The following MAP4K3 variants were observed in gnomAD, a reference collection of about 807,000 sequenced individuals.
The protein encoded by MAP4K3 is MAPK/ERK kinase kinase kinase 3.
A neutral mutation model predicts 143.5 loss-of-function variants in MAP4K3; 94 were observed. That is an observed-to-expected ratio of 0.65 (90% CI 0.55 to 0.78). The LOEUF (loss-of-function observed/expected upper bound fraction) is 0.78, where lower values mean the gene tolerates loss of function less well. Ranked by LOEUF, MAP4K3 falls within the 30% of genes least tolerant of loss-of-function variation. The pLI, the probability that MAP4K3 is intolerant of heterozygous loss-of-function variation, is 0.00. For synonymous variants in MAP4K3, 416 were observed against 347.2 expected, an observed-to-expected ratio of 1.20 and a Z score of -2.20; for missense variants, 1,077 against 1,068.1, an observed-to-expected ratio of 1.01 and a Z score of -0.12.
At chr2:39,402,908 G>C (rs1666987189) in intron 1 of MAP4K3, among the ~76,000 whole-genome samples, 1 of 151,794 alleles carries the variant, frequency 6.6e-6, no homozygotes, top group South Asian at 2.1e-4. Context: ...AGGATAATGA[G>C]AAAATATTAT....
chr2:39,264,457 C>T (rs1417612699), intron 28 of MAP4K3, among the ~76,000 whole-genome samples: 1 of 152,132 alleles, frequency 6.6e-6, no homozygotes, highest in Non-Finnish European at 1.5e-5. Context: ...GGATTTTAAA[C>T]AACAGGGAGT....
At chr2:39,432,721 A>C (rs1266499754) in intron 1 of MAP4K3, among the ~76,000 whole-genome samples, 1 of 152,256 alleles carries the variant, frequency 6.6e-6, no homozygotes, top group Non-Finnish European at 1.5e-5. Flanking sequence ...AATTACAAAT[A>C]AACTAACACG....
At chr2:39,375,248 CT>C (rs1666186616) in intron 2 of MAP4K3, among the ~76,000 whole-genome samples, 1 of 152,078 alleles carries the variant, frequency 6.6e-6, no homozygotes, top group African/African-American at 2.4e-5. Flanking sequence ...TACAGTGACA[CT>C]GTCTCTTAAA....
chr2:39,323,008 C>A (rs985668405), intron 12 of MAP4K3, among the ~76,000 whole-genome samples: 1 of 152,088 alleles, frequency 6.6e-6, no homozygotes, highest in Non-Finnish European at 1.5e-5. Context: ...TCTAGTATCA[C>A]AGTAAGTGCT....
chr2:39,428,547 G>A (rs1357793866), intron 1 of MAP4K3, among the ~76,000 whole-genome samples: 1 of 151,592 alleles, frequency 6.6e-6, no homozygotes, highest in African/African-American at 2.4e-5. Context: ...GTGGTGACGG[G>A]TGCCTGTAAT....
chr2:39,384,977 C>T (rs1424380100), intron 1 of MAP4K3, among the ~76,000 whole-genome samples: 1 of 152,136 alleles, frequency 6.6e-6, no homozygotes, highest in African/African-American at 2.4e-5. Flanking sequence ...TTTGAGAATG[C>T]CATATAAATT....
chr2:39,369,588 T>C (rs761940083), intron 2 of MAP4K3, among the ~76,000 whole-genome samples: 1 of 152,196 alleles, frequency 6.6e-6, no homozygotes, highest in Non-Finnish European at 1.5e-5. Flanking sequence ...CATACTACCT[T>C]TGCTTTTATA....
At chr2:39,297,435 A>C (rs1375434873) in intron 16 of MAP4K3, among the ~76,000 whole-genome samples, 1 of 152,144 alleles carries the variant, frequency 6.6e-6, no homozygotes, top group Non-Finnish European at 1.5e-5. Flanking sequence ...TTCTTTTAAA[A>C]ATAGTATTTT....
chr2:39,305,037 G>C (rs78771155), intron 15 of MAP4K3, among the ~76,000 whole-genome samples: 12 of 152,070 alleles, frequency 7.9e-5, no homozygotes, highest in Non-Finnish European at 1.5e-4. Flanking sequence ...CAGAGTGTTC[G>C]CTGCCAGGGG....
chr2:39,385,097 G>A (rs1666459966), intron 1 of MAP4K3, among the ~76,000 whole-genome samples: 1 of 152,142 alleles, frequency 6.6e-6, no homozygotes, highest in Admixed American at 6.5e-5. Context: ...ATTTACCACA[G>A]TTCATCCATT....
At chr2:39,386,139 A>C (rs1666499655) in intron 1 of MAP4K3, among the ~76,000 whole-genome samples, 1 of 152,234 alleles carries the variant, frequency 6.6e-6, no homozygotes, top group African/African-American at 2.4e-5. Context: ...TAATCCAACA[A>C]GACTGATGTC....
chr2:39,379,215 A>G (rs1359181313), intron 1 of MAP4K3, among the ~76,000 whole-genome samples: 1 of 152,088 alleles, frequency 6.6e-6, no homozygotes, highest in African/African-American at 2.4e-5. Flanking sequence ...CACTAAAAAT[A>G]CCAGCCAAAG....
rs188417892 is a variant in MAP4K3 at position 39,291,714 on chromosome 2, C to A, written c.1271+1059G>T. Among the ~76,000 whole-genome samples, 115 of 152,096 alleles carry A rather than the reference C, an allele frequency of 7.6e-4. 3 individuals carry two copies. In the East Asian group the frequency reaches 0.016, roughly 21 times the overall value. ...CAGCCTGGACAACATGGTGGAAACC[C>A]ATCTCTACCAAAAAATAGAAAATTA... On this transcript the variant is annotated intron_variant, in intron 18 of 33. Coordinates refer to ENST00000263881, the MANE Select transcript of MAP4K3 (RefSeq NM_003618.4).
At chr2:39,263,515 G>A (rs545410012) in intron 28 of MAP4K3, among the ~76,000 whole-genome samples, 2 of 150,680 alleles carry the variant, frequency 1.3e-5, no homozygotes, top group East Asian at 2.0e-4. Context: ...TCCTGACCTC[G>A]TGATCCGCCC....
intron 16 of MAP4K3, among the ~76,000 whole-genome samples, chr2:39,296,818 T>C (rs1682302482): frequency 1.3e-5 from 2 of 152,240 alleles, no homozygotes; most frequent in South Asian, 2.1e-4. Context: ...AGGCAACTAA[T>C]AAGTATTTAC....
chr2:39,262,868 T>G (rs1017770250), intron 28 of MAP4K3, among the ~76,000 whole-genome samples: 16 of 151,868 alleles, frequency 1.1e-4, no homozygotes, highest in African/African-American at 3.9e-4. Context: ...ACTTTGGGAG[T>G]ATGACGCGGG....
rs1683484150 is a variant in MAP4K3 at position 39,326,168 on chromosome 2, T to C, written c.640A>G (p.Met214Val). 1.9e-6 allele frequency: 3 copies of C among 1,613,728 alleles called. No homozygotes were observed. Among genetic ancestry groups the C allele is most frequent in the African/African-American group, 1.3e-5 (1 of 75,018 alleles). Residue 214 changes from methionine to valine, a missense_variant, in exon 9 of 34, where the codon ATG becomes GTG. Transcript: ENST00000263881. ...AIELAELQPP[M>V]FDLHPMRALF... is the part of the protein sequence containing the mutation. ...GACCTCATTGGGTGTAAGTCAAACA[T>C]AGGAGGCTGAAGCTCTGCAAGTTCT...
At position 39,272,576 on chromosome 2, in the gene MAP4K3, TA is replaced by T. The variant is rs1417830645; in HGVS notation, c.1795-35del. 3 of 1,544,642 alleles carry T rather than the reference TA, an allele frequency of 1.9e-6. No individual in the cohort carries two copies. The African/African-American group carries it at 4.1e-5, about 21-fold the overall frequency. ...AAAAAGGCACAAAGTTTACAAAGAA[TA>T]ATACATAATGGCAATGTAAATCTGT... On this transcript the variant is annotated intron_variant, in intron 24 of 33. Transcript: ENST00000263881.
chr2:39,315,054 T>A (rs931338220), intron 13 of MAP4K3, among the ~76,000 whole-genome samples: 1 of 152,164 alleles, frequency 6.6e-6, no homozygotes, highest in African/African-American at 2.4e-5. Flanking sequence ...GGCACTGCCT[T>A]AATTACTTCT....
Sources: gnomAD v4.1 joint callset for allele counts (sites outside exome capture counted in the v4.1 genomes callset) on GRCh38, gnomAD v4.1.1 for gene constraint, MANE v1.5 for transcripts, NCBI Gene and HGNC (gene_info 2026-07-23, HGNC 2026-07-21) for gene names.